SH3BGR: variants seen among roughly 807,000 people sequenced by gnomAD.
SH3BGR encodes the protein SH3 domain-binding glutamic acid-rich protein.
In SH3BGR, 29 loss-of-function variants were observed where a neutral mutation model predicts 24.5. The observed-to-expected ratio is 1.18, with a 90% CI of 0.88 to 1.61. The LOEUF is 1.61. Ranked by LOEUF, SH3BGR falls within the 40% of genes most tolerant of loss-of-function variation. The pLI, the probability that SH3BGR is intolerant of heterozygous loss-of-function variation, is 0.00. For synonymous variants in SH3BGR, 55 were observed against 65.7 expected, an observed-to-expected ratio of 0.84 and a Z score of 0.79; for missense variants, 162 against 205.8, an observed-to-expected ratio of 0.79 and a Z score of 1.30.
chr21:39,496,519 A>G (rs999865525), intron 3 of SH3BGR, among the ~76,000 whole-genome samples: 88 of 152,066 alleles, frequency 5.8e-4, no homozygotes, highest in African/African-American at 2.1e-3. Context: ...AAAAAAAAAA[A>G]AAAAAAAAAA....
At chr21:39,450,686 G>T (rs559947743), upstream of SH3BGR, among the ~76,000 whole-genome samples, 6 of 152,308 alleles carry the variant, frequency 3.9e-5, no homozygotes, top group South Asian at 1.2e-3. Flanking sequence ...CTAGCCCTTT[G>T]TCCCTAATGC....
intron 1 of SH3BGR, among the ~76,000 whole-genome samples, chr21:39,457,500 T>A (rs370141391): frequency 6.9e-6 from 1 of 144,904 alleles, no homozygotes; most frequent in East Asian, 2.0e-4. Flanking sequence ...CTTATATATA[T>A]GATTATTATA....
At chr21:39,481,452 C>T (rs554603545) in intron 3 of SH3BGR, among the ~76,000 whole-genome samples, 1 of 152,252 alleles carries the variant, frequency 6.6e-6, no homozygotes, top group East Asian at 1.9e-4. Context: ...AATAATGAGG[C>T]TGACAAGTTC....
chr21:39,500,658 T>G (rs2078479182), intron 4 of SH3BGR, among the ~76,000 whole-genome samples: 1 of 152,054 alleles, frequency 6.6e-6, no homozygotes, highest in South Asian at 2.1e-4. Flanking sequence ...TAGAGGAGAA[T>G]GTTAGAGGGC....
At chr21:39,457,562 A>G (rs540132948) in intron 1 of SH3BGR, among the ~76,000 whole-genome samples, 5 of 148,018 alleles carry the variant, frequency 3.4e-5, no homozygotes, top group African/African-American at 1.2e-4. Flanking sequence ...TATATTATAT[A>G]GTTATATAAT....
chr21:39,510,261 A>G (rs114228604), intron 5 of SH3BGR, among the ~76,000 whole-genome samples: 4,174 of 151,770 alleles, frequency 0.028, 318 homozygotes, highest in African/African-American at 0.093. Flanking sequence ...TTTTGAAATG[A>G]CAAAATTCAT....
intron 2 of SH3BGR, among the ~76,000 whole-genome samples, chr21:39,464,861 G>T (rs530894968): frequency 4.5e-4 from 69 of 152,054 alleles, no homozygotes; most frequent in Non-Finnish European, 6.5e-4. Flanking sequence ...TGGTGATGAG[G>T]AATTTTATTT....
chr21:39,499,033 G>A (rs998055804), intron 3 of SH3BGR, among the ~76,000 whole-genome samples: 11 of 152,164 alleles, frequency 7.2e-5, no homozygotes, highest in African/African-American at 1.2e-4. Flanking sequence ...AGTGCTGAAC[G>A]AAGAGGGAAG....
intron 1 of SH3BGR, among the ~76,000 whole-genome samples, chr21:39,458,646 A>AC (rs916659871): frequency 9.1e-6 from 1 of 109,480 alleles, no homozygotes; most frequent in Non-Finnish European, 1.9e-5. Flanking sequence ...CCTAAATCTC[A>AC]CTTTTTTTTT....
chr21:39,497,449 A>T (rs1367870472), intron 3 of SH3BGR, among the ~76,000 whole-genome samples: 1 of 151,878 alleles, frequency 6.6e-6, no homozygotes, highest in Non-Finnish European at 1.5e-5. Context: ...TAAAAGTTAG[A>T]TAAATTTGCC....
chr21:39,515,236 A>T lies in SH3BGR; in HGVS notation c.*183A>T, dbSNP rs1025101964. ...TGTACATGGAGGTATCTCCCGAATC[A>T]TACAAAATTAAATGTGAAGACCGTT... On this transcript the variant is annotated 3_prime_UTR_variant, in exon 7 of 7. Transcript: ENST00000333634. 5.0e-6 allele frequency: 2 copies of T among 398,334 alleles called. No homozygotes were observed. Among genetic ancestry groups the T allele is most frequent in the South Asian group, 4.1e-5 (2 of 49,134 alleles). The allele number at this position is 398,334 out of a possible 1,614,324, so 24.7% of individuals were successfully genotyped here. A position where few individuals can be genotyped will look rare whatever the true frequency, so the allele number is the denominator to read the frequency against.
intron 6 of SH3BGR, 62 bp from the exon 7 acceptor site, chr21:39,515,026 T>C: frequency 4.5e-6 from 2 of 449,266 alleles, no homozygotes; most frequent in South Asian, 3.4e-5. Context: ...GTGATGAAGA[T>C]TGTGGTAAAC....
chr21:39,446,166 GA>G (rs1178554646), intron 1 of SH3BGR: 1 of 86,428 alleles, frequency 1.2e-5, no homozygotes, highest in African/African-American at 3.4e-5. Flanking sequence ...TCATAAAGAC[GA>G]TTTTTTTTTT....
chr21:39,485,844 C>T lies in SH3BGR; in HGVS notation c.312+10629C>T, dbSNP rs535775081. ...CTGGGACTACAGGCGCCCGCCACCACGCCCGGCTAATTTTTTGTGTTTTTT... is the reference window on the plus strand; with the variant it reads ...CTGGGACTACAGGCGCCCGCCACCATGCCCGGCTAATTTTTTGTGTTTTTT... On this transcript the variant is annotated intron_variant, in intron 3 of 6. Transcript: ENST00000333634. Among the ~76,000 whole-genome samples the T allele has an allele frequency of 2.7e-4, 41 of 152,236 alleles. No homozygotes were observed. The South Asian group carries it at 7.2e-3, about 27-fold the overall frequency.
chr21:39,487,270 G>C (rs572163986), intron 3 of SH3BGR, among the ~76,000 whole-genome samples: 52 of 152,084 alleles, frequency 3.4e-4, no homozygotes, highest in African/African-American at 1.2e-3. Context: ...AGCTTCCCTA[G>C]TAACTGGGAC....
intron 3 of SH3BGR, among the ~76,000 whole-genome samples, chr21:39,495,063 A>AT (rs1569169104): frequency 6.6e-6 from 1 of 151,212 alleles, no homozygotes; most frequent in East Asian, 1.9e-4. Context: ...TTTAATTTCT[A>AT]TTTTTCTATT....
At chr21:39,452,984 G>T (rs1213355423) in intron 1 of SH3BGR, among the ~76,000 whole-genome samples, 1 of 152,188 alleles carries the variant, frequency 6.6e-6, no homozygotes, top group African/African-American at 2.4e-5. Context: ...AGAAAAAACA[G>T]TTTTATTAAA....
chr21:39,452,447 T>C (rs2077589858), intron 1 of SH3BGR, among the ~76,000 whole-genome samples: 1 of 152,232 alleles, frequency 6.6e-6, no homozygotes, highest in East Asian at 1.9e-4. Flanking sequence ...GACTTTTTTG[T>C]ATGTGTTTCT....
chr21:39,467,636 A>T (rs758835652), intron 2 of SH3BGR, among the ~76,000 whole-genome samples: 2 of 152,222 alleles, frequency 1.3e-5, no homozygotes, highest in Non-Finnish European at 2.9e-5. Context: ...TAGATAGTCA[A>T]TGTCTCTTTC....
Sources: allele counts gnomAD v4.1 joint callset (sites outside exome capture counted in the v4.1 genomes callset), GRCh38; gene constraint gnomAD v4.1.1; transcripts MANE v1.5; gene names NCBI Gene and HGNC (gene_info 2026-07-23, HGNC 2026-07-21).